ACER2: variants seen among roughly 807,000 people sequenced by gnomAD.
ACER2 encodes alkaline ceramidase 2, also known as alkCDase 2.
Under a neutral mutation model 34.7 loss-of-function variants are expected in ACER2, and 26 were observed. The observed-to-expected ratio is 0.75, with a 90% CI of 0.55 to 1.04. ACER2 has a LOEUF of 1.04. ACER2 is among the 50% of genes least tolerant of loss of function. The pLI is 0.00. For missense variants in ACER2, 352 were observed against 340.8 expected (o/e 1.03, Z -0.26); for synonymous variants, 138 against 132.1 (o/e 1.04, Z -0.31).
At chr9:19,429,126 A>T (rs1164524548) in intron 3 of ACER2, among the ~76,000 whole-genome samples, 1 of 151,892 alleles carries the variant, frequency 6.6e-6, no homozygotes, top group Non-Finnish European at 1.5e-5. Flanking sequence ...TACATATTTT[A>T]TGTAGGGAAA....
intron 4 of ACER2, among the ~76,000 whole-genome samples, chr9:19,442,366 C>T (rs1381326194): frequency 6.6e-6 from 1 of 152,118 alleles, no homozygotes; most frequent in African/African-American, 2.4e-5. Context: ...TGATAAAAGC[C>T]CTGAGAAATG....
chr9:19,416,405 C>A (rs550502502), intron 1 of ACER2, among the ~76,000 whole-genome samples: 4 of 152,306 alleles, frequency 2.6e-5, no homozygotes, highest in Non-Finnish European at 5.9e-5. Context: ...CAGCTGGGAG[C>A]AGTGGAAGGA....
At chr9:19,416,586 T>C (rs1009980750) in intron 1 of ACER2, among the ~76,000 whole-genome samples, 1 of 152,118 alleles carries the variant, frequency 6.6e-6, no homozygotes, top group Non-Finnish European at 1.5e-5. Context: ...AGTGCAATGG[T>C]GTGATCTCGG....
At chr9:19,433,982 G>A (rs1488551576) in intron 3 of ACER2, among the ~76,000 whole-genome samples, 9 of 151,996 alleles carry the variant, frequency 5.9e-5, no homozygotes, top group Non-Finnish European at 1.0e-4. Flanking sequence ...CGGACGGGGT[G>A]GCTGCCGGGC....
rs1319483797 is a variant in ACER2, at chr9:19,409,032, C to G, written c.-53C>G. 1 of 1,481,292 alleles carries G rather than the reference C, an allele frequency of 6.8e-7. No individual in the cohort carries two copies. The highest frequency in any genetic ancestry group is 1.4e-5 in the African/African-American group (1 of 70,538). 91.8% of individuals were successfully genotyped at this position (1,481,292 alleles called of 1,614,324 possible). On this transcript the variant is annotated 5_prime_UTR_variant, in exon 1 of 6. Coordinates refer to ENST00000340967, the MANE Select transcript of ACER2 (RefSeq NM_001010887.3). ...TCGCCGCGTTTTGCCTCCGCAGCAG[C>G]TCTGGGCTCTTCTCAGCTGCGCGAG...
intron 4 of ACER2, among the ~76,000 whole-genome samples, chr9:19,440,125 G>A (rs10811186): frequency 0.28 from 42,117 of 152,050 alleles, 6,600 homozygotes; most frequent in Non-Finnish European, 0.37. Context: ...TGTATCTTAT[G>A]TATTATTCTC....
At chr9:19,446,171 CTT>C (rs752929895) in intron 4 of ACER2, 108 bp from the exon 5 acceptor site, 3 of 1,483,096 alleles carry the variant, frequency 2.0e-6, no homozygotes, top group Non-Finnish European at 2.8e-6. Flanking sequence ...ACTTCAGTGT[CTT>C]GGGGTTGTAG....
At chr9:19,447,349 G>A (rs1183791426) in intron 5 of ACER2, among the ~76,000 whole-genome samples, 2 of 152,172 alleles carry the variant, frequency 1.3e-5, no homozygotes, top group African/African-American at 4.8e-5. Context: ...ATTCACTTAA[G>A]TTCCCTTGCT....
At chr9:19,438,914 G>C (rs761453888) in intron 4 of ACER2, among the ~76,000 whole-genome samples, 25 of 151,956 alleles carry the variant, frequency 1.6e-4, no homozygotes, top group Non-Finnish European at 3.2e-4. Context: ...GCCTCCCAAA[G>C]TGCTGAGATT....
chr9:19,432,930 A>G (rs1308039406), intron 3 of ACER2, among the ~76,000 whole-genome samples: 5 of 151,364 alleles, frequency 3.3e-5, no homozygotes, highest in African/African-American at 1.2e-4. Flanking sequence ...AAATTGTTAA[A>G]CCCTGCTGTA....
intron 1 of ACER2, among the ~76,000 whole-genome samples, chr9:19,423,206 T>C (rs566456673): frequency 6.6e-6 from 1 of 152,200 alleles, no homozygotes; most frequent in African/African-American, 2.4e-5. Context: ...ATTAGAATGA[T>C]TCATAATTAA....
intron 1 of ACER2, 37 bp from the exon 2 acceptor site, chr9:19,423,825 A>G (rs80061852): frequency 3.3e-6 from 5 of 1,533,192 alleles, no homozygotes; most frequent in Non-Finnish European, 4.5e-6. Flanking sequence ...CTTTTTACTT[A>G]ATACTCATCT....
intron 3 of ACER2, among the ~76,000 whole-genome samples, chr9:19,426,129 G>A (rs952328898): frequency 9.9e-5 from 15 of 151,644 alleles, no homozygotes; most frequent in African/African-American, 3.4e-4. Flanking sequence ...TGCCTGGGAG[G>A]TGAGGACACC....
At chr9:19,437,164 A>G (rs1012596623) in intron 4 of ACER2, among the ~76,000 whole-genome samples, 20 of 152,172 alleles carry the variant, frequency 1.3e-4, no homozygotes, top group African/African-American at 4.8e-4. Flanking sequence ...CCTGAAGTCC[A>G]GTTTCATATT....
intron 3 of ACER2, among the ~76,000 whole-genome samples, chr9:19,433,198 A>G (rs2132499972): frequency 8.5e-6 from 1 of 116,986 alleles, no homozygotes; most frequent in East Asian, 2.4e-4. Flanking sequence ...GGTGTTTCTC[A>G]CAGAGGGGGA....
chr9:19,417,002 T>G (rs1012143618), intron 1 of ACER2, among the ~76,000 whole-genome samples: 3 of 152,222 alleles, frequency 2.0e-5, no homozygotes, highest in Non-Finnish European at 4.4e-5. Flanking sequence ...CAAAAACTCC[T>G]TAAGCTGATA....
chr9:19,414,707 A>G (rs1830190348), intron 1 of ACER2, among the ~76,000 whole-genome samples: 1 of 152,126 alleles, frequency 6.6e-6, no homozygotes, highest in African/African-American at 2.4e-5. Flanking sequence ...GGAGGCTGAG[A>G]TCAAGGCTGC....
At chr9:19,416,861 A>G (rs1830256137) in intron 1 of ACER2, among the ~76,000 whole-genome samples, 1 of 152,180 alleles carries the variant, frequency 6.6e-6, no homozygotes, top group Non-Finnish European at 1.5e-5. Flanking sequence ...GATCCTTCTT[A>G]AAATAATCCT....
chr9:19,421,876 G>T (rs1199763066), intron 1 of ACER2, among the ~76,000 whole-genome samples: 1 of 152,124 alleles, frequency 6.6e-6, no homozygotes, highest in Non-Finnish European at 1.5e-5. Context: ...CAATATGACA[G>T]TCACTGGCCA....
Sources: gnomAD v4.1 joint callset for allele counts (sites outside exome capture counted in the v4.1 genomes callset) on GRCh38, gnomAD v4.1.1 for gene constraint, MANE v1.5 for transcripts, NCBI Gene and HGNC (gene_info 2026-07-23, HGNC 2026-07-21) for gene names.